GSE1: variants seen among roughly 807,000 people sequenced by gnomAD.
GSE1 encodes Gse1 coiled-coil protein, also known as genetic suppressor element 1.
GSE1 carries 32 observed loss-of-function variants against 112.6 expected under a neutral mutation model. The ratio of observed to expected loss-of-function variants is 0.28; its 90% confidence interval spans 0.21 to 0.38. GSE1 has a LOEUF of 0.38. Ranked by LOEUF, GSE1 falls within the 10% of genes least tolerant of loss-of-function variation. The pLI, the probability that GSE1 is intolerant of heterozygous loss-of-function variation, is 1.00. For missense variants in GSE1, 2,348 were observed against 1,699.2 expected (o/e 1.38, Z -6.71); for synonymous variants, 1,115 against 735.6 (o/e 1.52, Z -8.35).
intron 2 of GSE1, among the ~76,000 whole-genome samples, chr16:85,643,007 G>A (rs1011488597): frequency 4.6e-5 from 7 of 152,292 alleles, no homozygotes; most frequent in East Asian, 3.9e-4. Flanking sequence ...AGGGGGTGCC[G>A]GTGGTTTTTG....
chr16:85,337,040 G>A (rs565729516), intron 1 of GSE1, among the ~76,000 whole-genome samples: 14 of 152,264 alleles, frequency 9.2e-5, no homozygotes, highest in African/African-American at 3.4e-4. Context: ...TGCGCTTGAT[G>A]CACACTGACA....
At chr16:85,503,312 C>T (rs1440842332) in intron 2 of GSE1, among the ~76,000 whole-genome samples, 1 of 152,188 alleles carries the variant, frequency 6.6e-6, no homozygotes, top group East Asian at 1.9e-4. Flanking sequence ...GAGGCAGCCC[C>T]CAGGAGGGAA....
At position 85,666,210 on chromosome 16, in the gene GSE1, A is replaced by G. The variant is rs141720492; in HGVS notation, c.2993A>G (p.Lys998Arg). ...MLHYIRGAAP[K>R]DIPVPLSHST... is the part of the protein sequence containing the mutation. ...CACTATATCCGGGGCGCTGCACCCA[A>G]GGACATTCCTGTGCCGCTGTCCCAC... Residue 998 changes from lysine to arginine, a missense_variant, in exon 13 of 16, where the codon AAG becomes AGG. Physicochemically the swap from Lys to Arg is conservative, Grantham distance 26. Transcript: ENST00000253458. 9 of 1,613,588 alleles carry G rather than the reference A, an allele frequency of 5.6e-6. No individual in the cohort carries two copies. Among genetic ancestry groups the G allele is most frequent in the Non-Finnish European group, 7.6e-6 (9 of 1,180,056 alleles).
chr16:85,435,701 A>G (rs2049230668), intron 2 of GSE1, among the ~76,000 whole-genome samples: 1 of 49,592 alleles, frequency 2.0e-5, no homozygotes, highest in African/African-American at 9.9e-5. Context: ...TGGCCTGGGA[A>G]TGGGCAGCAG....
intron 2 of GSE1, among the ~76,000 whole-genome samples, chr16:85,420,248 C>T (rs1334518604): frequency 1.3e-5 from 2 of 152,110 alleles, no homozygotes; most frequent in Admixed American, 6.5e-5. Flanking sequence ...TTTTTTGAGA[C>T]AGGGTTTTGC....
chr16:85,170,083 C>A (rs2143102199), exon 1 of GSE1: 1 of 985,044 alleles, frequency 1.0e-6, no homozygotes, highest in East Asian at 1.1e-4. Flanking sequence ...CGAGCCCGAC[C>A]CGCCCGCGCG....
intron 2 of GSE1, among the ~76,000 whole-genome samples, chr16:85,523,287 G>A (rs1367882499): frequency 1.3e-5 from 2 of 152,002 alleles, no homozygotes; most frequent in Non-Finnish European, 2.9e-5. Flanking sequence ...ACCTCTGTGT[G>A]TTGTATGCGT....
chr16:85,604,884 C>G (rs529433968), intron 1 of GSE1, among the ~76,000 whole-genome samples: 1 of 64,398 alleles, frequency 1.6e-5, no homozygotes, highest in African/African-American at 6.3e-5. Context: ...GTGGCGGGAT[C>G]TCGGCTCACT....
rs193291656 is a variant in GSE1 at position 85,562,930 on chromosome 16, C to G, written c.37+6567C>G. Among the ~76,000 whole-genome samples, 106 of 152,344 alleles carry G rather than the reference C, an allele frequency of 7.0e-4. 1 individual carries two copies. The highest frequency in any genetic ancestry group is 2.4e-3 in the African/African-American group (101 of 41,560). On this transcript the variant is annotated intron_variant, in intron 1 of 2. Coordinates refer to the GSE1 transcript ENST00000635906. Reference sequence around the variant, plus strand: ...CAACCAGGCTGCGTCCTGTCATACTCTTTGTGGGAAAATCATTAGACTGTT... The same window carrying G: ...CAACCAGGCTGCGTCCTGTCATACTGTTTGTGGGAAAATCATTAGACTGTT...
At chr16:85,642,109 A>G (rs995513141) in intron 2 of GSE1, among the ~76,000 whole-genome samples, 41 of 152,224 alleles carry the variant, frequency 2.7e-4, no homozygotes, top group African/African-American at 8.9e-4. Flanking sequence ...GGCACGTGGC[A>G]CACTGAGTCT....
At chr16:85,492,671 G>C (rs2051047764) in intron 2 of GSE1, among the ~76,000 whole-genome samples, 1 of 152,134 alleles carries the variant, frequency 6.6e-6, no homozygotes, top group African/African-American at 2.4e-5. Flanking sequence ...TCCAGATTCA[G>C]CGCCCTTAAG....
chr16:85,357,035 C>G (rs1405965101), intron 1 of GSE1, among the ~76,000 whole-genome samples: 1 of 152,214 alleles, frequency 6.6e-6, no homozygotes, highest in Non-Finnish European at 1.5e-5. Flanking sequence ...GATCTCTGGG[C>G]AAGCACCACA....
chr16:85,206,259 G>A (rs1001796804), intron 1 of GSE1, among the ~76,000 whole-genome samples: 2 of 152,098 alleles, frequency 1.3e-5, no homozygotes, highest in Non-Finnish European at 2.9e-5. Flanking sequence ...GGAGGCGGGC[G>A]TTGGGGGAAG....
rs147016831 is a variant in GSE1 at position 85,634,052 on chromosome 16, C to T, written c.146C>T (p.Ala49Val). ...VPSGSPATSS[A>V]LSAQAAPSSS... Reference sequence around the variant, plus strand: ...AGCGGCAGCCCCGCCACCAGCAGCGCGCTGTCGGCCCAGGCCGCGCCATCC... The same window carrying T: ...AGCGGCAGCCCCGCCACCAGCAGCGTGCTGTCGGCCCAGGCCGCGCCATCC... The change falls in exon 2 of 16, where the codon GCG becomes GTG. Residue 49 changes from alanine to valine, a missense_variant. Coordinates refer to ENST00000253458, the MANE Select transcript of GSE1 (RefSeq NM_014615.5). 533 of 1,609,072 alleles carry T rather than the reference C, an allele frequency of 3.3e-4. No individual in the cohort carries two copies. The African/African-American group carries it at 3.7e-3, about 11-fold the overall frequency.
chr16:85,380,783 G>T (rs911276896), intron 2 of GSE1, among the ~76,000 whole-genome samples: 1 of 152,136 alleles, frequency 6.6e-6, no homozygotes, highest in Admixed American at 6.5e-5. Flanking sequence ...ACAGCCCTCC[G>T]CTGCTCCTCC....
chr16:85,470,817 G>A (rs538268420), intron 2 of GSE1, among the ~76,000 whole-genome samples: 140 of 152,280 alleles, frequency 9.2e-4, no homozygotes, highest in East Asian at 2.9e-3. Flanking sequence ...AATGAGCGGC[G>A]ATTAAAACAG....
intron 1 of GSE1, among the ~76,000 whole-genome samples, chr16:85,604,309 C>G (rs1208144176): frequency 1.3e-5 from 2 of 152,178 alleles, no homozygotes; most frequent in African/African-American, 4.8e-5. Context: ...CTTCAAGGTT[C>G]ATCTGTGTTG....
chr16:85,413,725 C>G (rs2048638378), intron 2 of GSE1, among the ~76,000 whole-genome samples: 1 of 152,154 alleles, frequency 6.6e-6, no homozygotes, highest in Non-Finnish European at 1.5e-5. Context: ...TGGTTACTCC[C>G]AGAACCTCCA....
At position 85,236,032 on chromosome 16, in the gene GSE1, C is replaced by T. The variant is rs902396446; in HGVS notation, c.2283+64225C>T. On this transcript the variant is annotated intron_variant, in intron 1 of 2. Coordinates refer to the GSE1 transcript ENST00000637419. Reference sequence around the variant, plus strand: ...GCTGGGCCTGGGGCTGCGGCTGGGGCTGGGGCTGGGGCTGGGGCTGGTGCC... The same window carrying T: ...GCTGGGCCTGGGGCTGCGGCTGGGGTTGGGGCTGGGGCTGGGGCTGGTGCC... Among the ~76,000 whole-genome samples, 7 of 151,710 alleles carry T rather than the reference C, an allele frequency of 4.6e-5. No individual in the cohort carries two copies. The South Asian group carries it at 1.0e-3, about 22-fold the overall frequency.
Sources: allele counts gnomAD v4.1 joint callset (sites outside exome capture counted in the v4.1 genomes callset), GRCh38; gene constraint gnomAD v4.1.1; transcripts MANE v1.5; gene names NCBI Gene and HGNC (gene_info 2026-07-23, HGNC 2026-07-21).